Variants in PCDHGA5 observed in about 807,000 individuals in gnomAD.
PCDHGA5 encodes protocadherin gamma-A5.
A neutral mutation model predicts 56.7 loss-of-function variants in PCDHGA5; 36 were observed. The observed-to-expected ratio is 0.64, with a 90% CI of 0.49 to 0.84. The LOEUF (loss-of-function observed/expected upper bound fraction) is 0.84, where lower values mean the gene tolerates loss of function less well. Ranked by LOEUF, PCDHGA5 falls within the 40% of genes least tolerant of loss-of-function variation. PCDHGA5 has a pLI of 0.00. For synonymous variants in PCDHGA5, 563 were observed against 520.2 expected (o/e 1.08, Z -1.12); for missense variants, 1,305 against 1,201.5 (o/e 1.09, Z -1.27).
intron 1 of PCDHGA5, among the ~76,000 whole-genome samples, chr5:141,424,908 C>G (rs910592644): frequency 1.3e-5 from 2 of 152,184 alleles, no homozygotes; most frequent in Non-Finnish European, 2.9e-5. Context: ...TCACAGGAAT[C>G]ATTTCCATAA....
At chr5:141,383,111 GGAC>G in intron 1 of PCDHGA5, 1 of 1,614,040 alleles carries the variant, frequency 6.2e-7, no homozygotes, top group South Asian at 1.1e-5. Context: ...TCCAGAGGTA[GGAC>G]GCAGCTTTTC....
chr5:141,468,903 C>T (rs1265804352), intron 1 of PCDHGA5, among the ~76,000 whole-genome samples: 1 of 151,614 alleles, frequency 6.6e-6, no homozygotes, highest in Non-Finnish European at 1.5e-5. Context: ...CTAATATGAT[C>T]CAGACTAGAA....
chr5:141,404,909 C>G, intron 1 of PCDHGA5: 1 of 1,613,916 alleles, frequency 6.2e-7, no homozygotes, highest in Non-Finnish European at 8.5e-7. Flanking sequence ...TGGCCAGCCC[C>G]CTCTCTCGGC....
intron 1 of PCDHGA5, among the ~76,000 whole-genome samples, chr5:141,442,680 A>C (rs2098335997): frequency 6.6e-6 from 1 of 152,270 alleles, no homozygotes; most frequent in Non-Finnish European, 1.5e-5. Flanking sequence ...CTTGAGGGAC[A>C]GTAGTCAGGC....
chr5:141,375,280 C>T (rs771324220), intron 1 of PCDHGA5: 1 of 1,613,676 alleles, frequency 6.2e-7, no homozygotes, highest in Non-Finnish European at 8.5e-7. Context: ...AATCAGTTGG[C>T]AATTATTATC....
At position 141,464,471 on chromosome 5, in the gene PCDHGA5, G is replaced by A. The variant is rs142068327; in HGVS notation, c.2422-30336G>A. On this transcript the variant is annotated intron_variant, in intron 1 of 3. Coordinates refer to ENST00000518069, the MANE Select transcript of PCDHGA5 (RefSeq NM_018918.3). ...TTGTTGTTATTTTTGAAGTATGTAC[G>A]TATAATAAATTCCTAATAGTGTGAT... Among the ~76,000 whole-genome samples, 204 of 151,612 alleles carry A rather than the reference G, an allele frequency of 1.3e-3. 1 individual carries two copies. The highest frequency in any genetic ancestry group is 2.3e-3 in the Non-Finnish European group (156 of 67,928).
chr5:141,395,544 G>T (rs1352260391), intron 1 of PCDHGA5: 4 of 11,560 alleles, frequency 3.5e-4, no homozygotes, highest in African/African-American at 5.6e-4. Flanking sequence ...GCTATTGTTT[G>T]TGTGTGTGTG....
In PCDHGA5 at chr5:141,376,747, C is replaced by A. The variant is rs532627412; in HGVS notation, c.2421+9996C>A. 2,536 of 471,218 alleles carry A rather than the reference C, an allele frequency of 5.4e-3. 48 individuals carry two copies. The highest frequency in any genetic ancestry group is 0.052 in the African/African-American group (2,354 of 45,460). The allele number at this position is 471,218 out of a possible 1,614,324, so 29.2% of individuals were successfully genotyped here. ...CAGGCCGGACTGCGGACTGCAGTGG[C>A]GCAATCTCGGCTCACTGCAAGCTCC... On this transcript the variant is annotated intron_variant, in intron 1 of 3. Transcript: ENST00000518069.
chr5:141,506,372 C>A (rs1243713695), intron 3 of PCDHGA5, among the ~76,000 whole-genome samples: 1 of 151,402 alleles, frequency 6.6e-6, no homozygotes, highest in Non-Finnish European at 1.5e-5. Context: ...TCGCTTGAAC[C>A]TGGGAGGTGG....
At chr5:141,376,106 C>G (rs747782630) in intron 1 of PCDHGA5, 2 of 1,613,796 alleles carry the variant, frequency 1.2e-6, no homozygotes, top group East Asian at 4.5e-5. Flanking sequence ...CCTGGCCGAC[C>G]TGGGCAGCCT....
At chr5:141,407,385 T>A (rs1306044111) in intron 1 of PCDHGA5, among the ~76,000 whole-genome samples, 1 of 152,228 alleles carries the variant, frequency 6.6e-6, no homozygotes, top group South Asian at 2.1e-4. Flanking sequence ...GGCTTGTATG[T>A]CATGGTAGGT....
At chr5:141,455,874 T>C (rs2098834969) in intron 1 of PCDHGA5, among the ~76,000 whole-genome samples, 1 of 146,458 alleles carries the variant, frequency 6.8e-6, no homozygotes, top group South Asian at 2.1e-4. Flanking sequence ...TTTATTTATT[T>C]ATTTATTTAT....
intron 1 of PCDHGA5, among the ~76,000 whole-genome samples, chr5:141,368,919 AG>A (rs1297427818): frequency 1.3e-5 from 2 of 152,176 alleles, no homozygotes; most frequent in Non-Finnish European, 2.9e-5. Flanking sequence ...GGTGACAATG[AG>A]TGTCTGTCTA....
Position 141,491,547 on chromosome 5 carries a change from G to C in PCDHGA5, c.2422-3260G>C. On this transcript the variant is annotated intron_variant, in intron 1 of 3. Coordinates refer to ENST00000518069, the MANE Select transcript of PCDHGA5 (RefSeq NM_018918.3). This position sits in a 1 kb window ranked among gnomAD's most constrained non-coding sequence, Gnocchi z 6.9. Reference sequence around the variant, plus strand: ...AGGTGACGCTGCGGCCCACAGACTCGCAGAGCCACTGCTACAGGACGTGCT... The same window carrying C: ...AGGTGACGCTGCGGCCCACAGACTCCCAGAGCCACTGCTACAGGACGTGCT... 6.2e-7 allele frequency: 1 copy of C among 1,613,974 alleles called. No individual in the cohort carries two copies. The highest frequency in any genetic ancestry group is 8.5e-7 in the Non-Finnish European group (1 of 1,180,022).
intron 1 of PCDHGA5, chr5:141,478,043 A>G (rs1399496347): frequency 7.4e-6 from 12 of 1,613,710 alleles, no homozygotes; most frequent in Non-Finnish European, 1.0e-5. Flanking sequence ...ACCCAGGCAG[A>G]CTCTCACGGT....
chr5:141,455,660 G>A (rs1485792613), intron 1 of PCDHGA5, among the ~76,000 whole-genome samples: 1 of 152,134 alleles, frequency 6.6e-6, no homozygotes, highest in Non-Finnish European at 1.5e-5. Flanking sequence ...CCAGGAACTT[G>A]TGGGGCAAGG....
Position 141,502,485 on chromosome 5 carries a change from G to A in PCDHGA5, c.2481-2908G>A, listed in dbSNP as rs187600890. ...AATACTTCCCGCAGCATCACACTGG[G>A]ACTCATCTAACGTCGGCCTGTCCCA... On this transcript the variant is annotated intron_variant, in intron 2 of 3. Coordinates refer to ENST00000518069, the MANE Select transcript of PCDHGA5 (RefSeq NM_018918.3). 8.4e-3 allele frequency among the ~76,000 whole-genome samples: 1,276 copies of A among 152,270 alleles called. 22 individuals carry two copies. Among genetic ancestry groups the A allele is most frequent in the African/African-American group, 0.028 (1,151 of 41,542 alleles).
At chr5:141,467,571 A>G (rs1228156610) in intron 1 of PCDHGA5, among the ~76,000 whole-genome samples, 1 of 152,212 alleles carries the variant, frequency 6.6e-6, no homozygotes, top group South Asian at 2.1e-4. Flanking sequence ...ATGGCTATCC[A>G]GTTGTCCCAA....
Position 141,490,602 on chromosome 5 carries a change from C to G in PCDHGA5, c.2422-4205C>G, listed in dbSNP as rs1249440194. On this transcript the variant is annotated intron_variant, in intron 1 of 3. Transcript: ENST00000518069. This position sits in a 1 kb window ranked among gnomAD's most constrained non-coding sequence, Gnocchi z 5.4. Reference sequence around the variant, plus strand: ...ATGTCAATGACAATGCACCCCGCTTCAACCAGCAGCTTTACACTGCTTACA... The same window carrying G: ...ATGTCAATGACAATGCACCCCGCTTGAACCAGCAGCTTTACACTGCTTACA... The G allele has an allele frequency of 6.2e-7, 1 of 1,614,084 alleles. No individual in the cohort carries two copies. Among genetic ancestry groups the G allele is most frequent in the African/African-American group, 1.3e-5 (1 of 74,930 alleles).
Sources: allele counts gnomAD v4.1 joint callset (sites outside exome capture counted in the v4.1 genomes callset), GRCh38; gene constraint gnomAD v4.1.1; non-coding constraint Gnocchi (gnomAD v3.1); transcripts MANE v1.5; gene names NCBI Gene and HGNC (gene_info 2026-07-23, HGNC 2026-07-21).